STPG2: variants seen among roughly 807,000 people sequenced by gnomAD.
STPG2 encodes the protein sperm tail PG-rich repeat containing 2.
A neutral mutation model predicts 54.2 loss-of-function variants in STPG2; 56 were observed. That is an observed-to-expected ratio of 1.03 (90% CI 0.83 to 1.29). STPG2 has a LOEUF of 1.29. Among genes scored for constraint, STPG2 ranks in the 50% most tolerant of loss-of-function variants. The pLI, the probability that STPG2 is intolerant of heterozygous loss-of-function variation, is 0.00. For missense variants in STPG2, 596 were observed against 544.9 expected, an observed-to-expected ratio of 1.09 and a Z score of -0.93; for synonymous variants, 200 against 181.8, an observed-to-expected ratio of 1.10 and a Z score of -0.81.
chr4:97,934,382 A>G (rs1036851049), intron 8 of STPG2, among the ~76,000 whole-genome samples: 2 of 152,174 alleles, frequency 1.3e-5, no homozygotes, highest in Admixed American at 1.3e-4. Flanking sequence ...CCTTGGCCAG[A>G]ACTTCAAATA....
intron 4 of STPG2, among the ~76,000 whole-genome samples, chr4:97,488,201 G>A (rs951492161): frequency 4.6e-5 from 7 of 151,600 alleles, no homozygotes; most frequent in Non-Finnish European, 8.9e-5. Context: ...TTTATCTACA[G>A]AGAATATTCT....
At chr4:97,911,592 A>T (rs1171382940) in intron 8 of STPG2, among the ~76,000 whole-genome samples, 3 of 152,110 alleles carry the variant, frequency 2.0e-5, no homozygotes, top group Non-Finnish European at 4.4e-5. Flanking sequence ...CTGCTTTTTT[A>T]AGTGGGACCC....
intron 9 of STPG2, among the ~76,000 whole-genome samples, chr4:97,733,354 CAT>C (rs1724868442): frequency 6.6e-6 from 1 of 151,918 alleles, no homozygotes; most frequent in African/African-American, 2.4e-5. Flanking sequence ...AATCAAAAAT[CAT>C]ATATTCTCAC....
chr4:97,522,878 G>A (rs954217639), intron 4 of STPG2, among the ~76,000 whole-genome samples: 1 of 151,906 alleles, frequency 6.6e-6, no homozygotes, highest in Non-Finnish European at 1.5e-5. Context: ...CATGTTTCAA[G>A]GTAGAGGCTT....
intron 9 of STPG2, among the ~76,000 whole-genome samples, chr4:97,735,756 A>ATG (rs780281635): frequency 3.3e-4 from 50 of 151,832 alleles, no homozygotes; most frequent in Non-Finnish European, 6.2e-4. Flanking sequence ...CCTTATATAT[A>ATG]TGTGTGTCTG....
At chr4:97,485,986 C>T (rs926616338) in intron 4 of STPG2, among the ~76,000 whole-genome samples, 2 of 151,744 alleles carry the variant, frequency 1.3e-5, no homozygotes, top group Non-Finnish European at 2.9e-5. Flanking sequence ...AATTGCCCAG[C>T]CATATGTAGG....
intron 5 of STPG2, among the ~76,000 whole-genome samples, chr4:98,022,895 TG>T (rs1736271886): frequency 6.6e-6 from 1 of 152,194 alleles, no homozygotes; most frequent in Admixed American, 6.5e-5. Flanking sequence ...TTCTCTGCAT[TG>T]GGTATTCTAG....
At chr4:97,728,662 T>A (rs996390436) in intron 9 of STPG2, among the ~76,000 whole-genome samples, 1 of 151,686 alleles carries the variant, frequency 6.6e-6, no homozygotes, top group African/African-American at 2.4e-5. Flanking sequence ...CCTGTTGAAG[T>A]GTCTGACCCA....
At chr4:97,827,279 A>G (rs1426096076) in intron 9 of STPG2, among the ~76,000 whole-genome samples, 1 of 134,710 alleles carries the variant, frequency 7.4e-6, no homozygotes, top group East Asian at 2.2e-4. Flanking sequence ...TCTGTCACCC[A>G]GGCTGGAGTG....
chr4:98,022,471 T>A (rs1339289223), intron 5 of STPG2, among the ~76,000 whole-genome samples: 1 of 152,114 alleles, frequency 6.6e-6, no homozygotes, highest in Non-Finnish European at 1.5e-5. Flanking sequence ...CATTTCAACT[T>A]TGGTGAATCT....
At chr4:97,689,653 A>C in intron 10 of STPG2, among the ~76,000 whole-genome samples, 1 of 152,254 alleles carries the variant, frequency 6.6e-6, no homozygotes, top group East Asian at 1.9e-4. Context: ...AGAGAGAATG[A>C]ATGATATCAT....
intron 5 of STPG2, among the ~76,000 whole-genome samples, chr4:98,069,322 G>A (rs1367112555): frequency 6.6e-6 from 1 of 151,896 alleles, no homozygotes; most frequent in Non-Finnish European, 1.5e-5. Flanking sequence ...TCTTAGAAAT[G>A]ACTGATATGC....
chr4:97,943,262 C>G (rs1733060751), intron 8 of STPG2, among the ~76,000 whole-genome samples: 1 of 152,140 alleles, frequency 6.6e-6, no homozygotes, highest in Non-Finnish European at 1.5e-5. Flanking sequence ...AGGATTTCAA[C>G]ATATGAATTT....
chr4:97,530,161 T>C (rs377516085), intron 4 of STPG2, among the ~76,000 whole-genome samples: 3 of 152,316 alleles, frequency 2.0e-5, no homozygotes, highest in South Asian at 2.1e-4. Flanking sequence ...TTCCATGTGA[T>C]GATTTAGGGA....
At chr4:98,139,288 A>G (rs1740215930) in intron 1 of STPG2, among the ~76,000 whole-genome samples, 1 of 152,188 alleles carries the variant, frequency 6.6e-6, no homozygotes, top group Admixed American at 6.5e-5. Flanking sequence ...AATACCCTGA[A>G]GGACTGGCCT....
At chr4:97,515,845 T>C (rs1238046446) in intron 4 of STPG2, among the ~76,000 whole-genome samples, 1 of 152,066 alleles carries the variant, frequency 6.6e-6, no homozygotes, top group Non-Finnish European at 1.5e-5. Flanking sequence ...GGTATGTATA[T>C]ATGTACACAC....
intron 6 of STPG2, among the ~76,000 whole-genome samples, chr4:97,977,544 C>T (rs961534840): frequency 3.3e-5 from 5 of 152,162 alleles, no homozygotes; most frequent in African/African-American, 1.2e-4. Context: ...CCTCAAATGG[C>T]ATTCTTAAAG....
intron 9 of STPG2, among the ~76,000 whole-genome samples, chr4:97,778,041 C>T (rs575770970): frequency 2.6e-5 from 4 of 152,208 alleles, no homozygotes; most frequent in Admixed American, 6.5e-5. Flanking sequence ...GGGTTCATCT[C>T]GCTGGGGTTC....
At chr4:97,750,227 T>C (rs1367549530) in intron 9 of STPG2, among the ~76,000 whole-genome samples, 1 of 151,814 alleles carries the variant, frequency 6.6e-6, no homozygotes, top group Non-Finnish European at 1.5e-5. Flanking sequence ...TATATAGGCA[T>C]CAGTTTCTAC....
Sources: gnomAD v4.1 joint callset for allele counts (sites outside exome capture counted in the v4.1 genomes callset) on GRCh38, gnomAD v4.1.1 for gene constraint, MANE v1.5 for transcripts, NCBI Gene and HGNC (gene_info 2026-07-23, HGNC 2026-07-21) for gene names.